The following PCDHA4 variants were observed in gnomAD, a reference collection of about 807,000 sequenced individuals.
PCDHA4 encodes the protein protocadherin alpha 4, also known as protocadherin alpha-4.
PCDHA4 carries 49 observed loss-of-function variants against 61.4 expected under a neutral mutation model. The ratio of observed to expected loss-of-function variants is 0.80; its 90% CI spans 0.63 to 1.01. The LOEUF (loss-of-function observed/expected upper bound fraction) is 1.01, where lower values mean the gene tolerates loss of function less well. Ranked by LOEUF, PCDHA4 falls within the 50% of genes least tolerant of loss-of-function variation. The pLI is 0.00. For missense variants in PCDHA4, 1,254 were observed against 1,235.8 expected (o/e 1.01, Z -0.22); for synonymous variants, 590 against 550.3 (o/e 1.07, Z -1.01).
At position 140,855,779 on chromosome 5, in the gene PCDHA4, A is replaced by T. The variant is rs1017564312; in HGVS notation, c.2385+46207A>T. On this transcript the variant is annotated intron_variant, in intron 1 of 3. Transcript: ENST00000530339. ...AAAGTCCATAGACATAAAAATACGT[A>T]AAAAAAGAATTAACATATGAATGAA... is the stretch of plus-strand genomic sequence containing the variant. 1.2e-5 allele frequency: 5 copies of T among 408,902 alleles called. 1 individual carries two copies. Among genetic ancestry groups the T allele is most frequent in the African/African-American group, 2.0e-5 (1 of 49,354 alleles). The allele number at this position is 408,902 out of a possible 1,614,324, so 25.3% of individuals were successfully genotyped here.
chr5:140,945,828 A>T (rs2093847646), intron 1 of PCDHA4, among the ~76,000 whole-genome samples: 1 of 152,176 alleles, frequency 6.6e-6, no homozygotes, highest in Admixed American at 6.5e-5. Flanking sequence ...TACAAAAGTC[A>T]ACTCAAAATG....
At position 140,963,092 on chromosome 5, in the gene PCDHA4, C is replaced by T. The variant is rs1202521389; in HGVS notation, c.2386-15857C>T. Among the ~76,000 whole-genome samples, 3 of 151,976 alleles carry T rather than the reference C, an allele frequency of 2.0e-5. No homozygotes were observed. The South Asian group carries it at 6.2e-4, about 32-fold the overall frequency. On this transcript the variant is annotated intron_variant, in intron 1 of 3. Transcript: ENST00000530339. Reference sequence around the variant, plus strand: ...GGAGACAGAAATATAAGACATGGCTCCTGCTTTCAGGTTGCTTATAATTAA... The same window carrying T: ...GGAGACAGAAATATAAGACATGGCTTCTGCTTTCAGGTTGCTTATAATTAA...
intron 3 of PCDHA4, among the ~76,000 whole-genome samples, chr5:141,005,808 C>T (rs2153985730): frequency 6.6e-6 from 1 of 150,460 alleles, no homozygotes; most frequent in African/African-American, 2.5e-5. Context: ...CTCCAAGGAG[C>T]CAGGTATGGT....
chr5:140,842,799 C>A, intron 1 of PCDHA4: 1 of 1,594,426 alleles, frequency 6.3e-7, no homozygotes, highest in Non-Finnish European at 8.6e-7. Flanking sequence ...GTGTCCTACT[C>A]GCTTGTGGAG....
chr5:140,862,618 C>A (rs532330556), intron 1 of PCDHA4: 10 of 526,556 alleles, frequency 1.9e-5, no homozygotes, highest in South Asian at 1.3e-4. Flanking sequence ...AGGTAACAAC[C>A]CGCGGGGCTG....
intron 1 of PCDHA4, chr5:140,928,442 A>G (rs781976941): frequency 1.2e-6 from 2 of 1,614,166 alleles, no homozygotes; most frequent in South Asian, 1.1e-5. Flanking sequence ...GACTTTGAGC[A>G]GCTCAGGGGG....
chr5:140,914,933 T>C (rs1025071911), intron 1 of PCDHA4, among the ~76,000 whole-genome samples: 1 of 149,146 alleles, frequency 6.7e-6, no homozygotes, highest in Non-Finnish European at 1.5e-5. Flanking sequence ...TACTATGTTG[T>C]GAAAAGTTGT....
At chr5:140,868,958 T>C (rs1033698977) in intron 1 of PCDHA4, 1 of 1,397,386 alleles carries the variant, frequency 7.2e-7, no homozygotes, top group African/African-American at 1.4e-5. Context: ...GGCACTCCCA[T>C]ACAAAGGAAC....
chr5:140,877,689 G>A (rs1554169989), intron 1 of PCDHA4: 2 of 1,613,914 alleles, frequency 1.2e-6, no homozygotes, highest in Non-Finnish European at 8.5e-7. Flanking sequence ...AGCCCACGCT[G>A]GTGTGCTCCA....
chr5:140,828,242 G>A (rs1769642042), intron 1 of PCDHA4: 1 of 1,613,964 alleles, frequency 6.2e-7, no homozygotes, highest in Non-Finnish European at 8.5e-7. Flanking sequence ...GATCGCGCAG[G>A]ACCTGGGGCT....
At chr5:140,822,828 A>G in intron 1 of PCDHA4, 2 of 1,614,224 alleles carry the variant, frequency 1.2e-6, no homozygotes, top group Non-Finnish European at 1.7e-6. Flanking sequence ...AGATGGCCAT[A>G]ACCACCCTTT....
intron 1 of PCDHA4, among the ~76,000 whole-genome samples, chr5:140,977,003 T>G (rs1382476176): frequency 6.6e-6 from 1 of 152,248 alleles, no homozygotes; most frequent in Non-Finnish European, 1.5e-5. Flanking sequence ...AGAAATCTTG[T>G]AACTGTGATT....
At chr5:140,955,008 C>T (rs1393836611) in intron 1 of PCDHA4, among the ~76,000 whole-genome samples, 2 of 152,142 alleles carry the variant, frequency 1.3e-5, no homozygotes, top group Non-Finnish European at 2.9e-5. Flanking sequence ...CCAATTCTCC[C>T]AGCACCATTT....
intron 1 of PCDHA4, chr5:140,869,524 C>T: frequency 6.2e-7 from 1 of 1,614,188 alleles, no homozygotes; most frequent in Non-Finnish European, 8.5e-7. Flanking sequence ...ACAAAAGCTG[C>T]TGATTGCGGA....
At chr5:140,814,355 A>G (rs1266243705) in intron 1 of PCDHA4, 1 of 151,928 alleles carries the variant, frequency 6.6e-6, no homozygotes, top group African/African-American at 2.4e-5. Context: ...GGGCAGTTAC[A>G]CATGCGATGC....
intron 1 of PCDHA4, chr5:140,883,780 G>C (rs903874944): frequency 1.2e-6 from 2 of 1,612,370 alleles, no homozygotes; most frequent in Admixed American, 1.7e-5. Flanking sequence ...AGCGTGCGCT[G>C]TCGAGCTACG....
intron 3 of PCDHA4, among the ~76,000 whole-genome samples, chr5:141,008,922 G>A (rs34518527): frequency 0.052 from 7,924 of 152,178 alleles, 248 homozygotes; most frequent in South Asian, 0.11. Flanking sequence ...AATTTATTCA[G>A]CTAATTTTTC....
Position 140,858,656 on chromosome 5 carries a change from T to A in PCDHA4, c.2385+49084T>A, listed in dbSNP as rs1562540116. 9 of 783,778 alleles carry A rather than the reference T, an allele frequency of 1.1e-5. 2 individuals are homozygous for A. The highest frequency in any genetic ancestry group is 1.6e-5 in the Non-Finnish European group (8 of 509,472). 48.6% of individuals were successfully genotyped at this position (783,778 alleles called of 1,614,324 possible). A position where few individuals can be genotyped will look rare whatever the true frequency, so the allele number is the denominator to read the frequency against. On this transcript the variant is annotated intron_variant, in intron 1 of 3. Transcript: ENST00000530339. ...CCTTTGATTGGTACTTAAATTTTTTTAAATAACAATTTATTCTGAATACAC... is the reference window on the plus strand; with the variant it reads ...CCTTTGATTGGTACTTAAATTTTTTAAAATAACAATTTATTCTGAATACAC...
intron 1 of PCDHA4, among the ~76,000 whole-genome samples, chr5:140,964,721 CA>C (rs1340678918): frequency 1.3e-5 from 2 of 151,598 alleles, no homozygotes; most frequent in African/African-American, 4.9e-5. Flanking sequence ...CAAATTACCA[CA>C]GCAAACTGAG....
Sources: gnomAD v4.1 joint callset for allele counts (sites outside exome capture counted in the v4.1 genomes callset) on GRCh38, gnomAD v4.1.1 for gene constraint, MANE v1.5 for transcripts, NCBI Gene and HGNC (gene_info 2026-07-23, HGNC 2026-07-21) for gene names.